Variants in VIPR2 observed in about 807,000 individuals in gnomAD.
VIPR2 encodes vasoactive intestinal polypeptide receptor 2.
VIPR2 carries 48 observed loss-of-function variants against 58.0 expected under a neutral mutation model. The ratio of observed to expected loss-of-function variants is 0.83; its 90% CI spans 0.66 to 1.05. The LOEUF (loss-of-function observed/expected upper bound fraction) is 1.05. Among genes scored for constraint, VIPR2 ranks in the 50% least tolerant of loss-of-function variants. The probability of loss-of-function intolerance (pLI) is 0.00; values close to 1 mark genes in which losing one functional copy is unlikely to be tolerated. For missense variants in VIPR2, 534 were observed against 558.0 expected, an observed-to-expected ratio of 0.96 and a Z score of 0.43; for synonymous variants, 243 against 235.2, an observed-to-expected ratio of 1.03 and a Z score of -0.30.
chr7:159,038,708 A>ACG (rs1170353128), intron 6 of VIPR2, among the ~76,000 whole-genome samples: 2 of 152,192 alleles, frequency 1.3e-5, no homozygotes, highest in African/African-American at 4.8e-5. Flanking sequence ...ATGAACCAAG[A>ACG]CACAAATGAA....
chr7:159,132,692 G>A (rs1796973894), intron 2 of VIPR2, among the ~76,000 whole-genome samples: 1 of 152,146 alleles, frequency 6.6e-6, no homozygotes, highest in African/African-American at 2.4e-5. Context: ...TTCACGGACG[G>A]GCTCATTCAA....
At chr7:159,043,285 A>C in intron 5 of VIPR2, 109 bp from the exon 6 acceptor site, 7 of 1,007,482 alleles carry the variant, frequency 6.9e-6, no homozygotes, top group Non-Finnish European at 8.1e-6. Flanking sequence ...AGCACAGAAA[A>C]ATAAAAGAGT....
intron 3 of VIPR2, among the ~76,000 whole-genome samples, chr7:159,104,269 C>T (rs758709368): frequency 1.3e-5 from 2 of 152,058 alleles, no homozygotes; most frequent in African/African-American, 2.4e-5. Context: ...CGGCCAGGCC[C>T]TCACCACCGA....
intron 5 of VIPR2, among the ~76,000 whole-genome samples, chr7:159,050,354 C>CAAAAAAAAAAACAAAAAAAAA (rs1854917943): frequency 7.2e-6 from 1 of 139,168 alleles, no homozygotes; most frequent in Non-Finnish European, 1.5e-5. Flanking sequence ...CACAAAAAAA[C>CAAAAAAAAAAACAAAAAAAAA]AAAAAAAAAA....
At chr7:159,101,761 C>T (rs1334806569) in intron 4 of VIPR2, among the ~76,000 whole-genome samples, 4 of 143,080 alleles carry the variant, frequency 2.8e-5, no homozygotes, top group African/African-American at 5.4e-5. Context: ...GAGGCGGTTC[C>T]GACTGTTCCT....
At chr7:159,053,771 C>A (rs1855141880) in intron 5 of VIPR2, among the ~76,000 whole-genome samples, 1 of 152,210 alleles carries the variant, frequency 6.6e-6, no homozygotes, top group South Asian at 2.1e-4. Flanking sequence ...TTGTCTTGAA[C>A]TCCTGAGCAC....
In VIPR2 at chr7:159,096,911, T is replaced by A; in HGVS notation, c.357+6846A>T. On this transcript the variant is annotated intron_variant, in intron 4 of 12. Transcript: ENST00000262178. This position sits in a 1 kb window ranked among gnomAD's most constrained non-coding sequence, Gnocchi z 5.5. The stretch of plus-strand genomic sequence containing the variant: ...GGCCGCCTTGCTGTCCCCGTTCCCA[T>A]CACTCGATGAGCCAATGCCCTCGTG... The A allele has an allele frequency of 1.3e-6, 2 of 1,550,742 alleles. No homozygotes were observed. The highest frequency in any genetic ancestry group is 1.7e-6 in the Non-Finnish European group (2 of 1,147,078).
chr7:159,104,795 A>G (rs573649649), intron 3 of VIPR2, among the ~76,000 whole-genome samples: 71 of 148,160 alleles, frequency 4.8e-4, no homozygotes, highest in African/African-American at 1.6e-3. Flanking sequence ...ACCGATGGTG[A>G]CCGGGTGCCC....
intron 4 of VIPR2, among the ~76,000 whole-genome samples, chr7:159,094,135 C>T (rs1054690403): frequency 6.6e-6 from 1 of 152,186 alleles, no homozygotes; most frequent in African/African-American, 2.4e-5. Context: ...TCATTCTCCA[C>T]AGGGGAGGCT....
chr7:159,117,438 G>T, intron 2 of VIPR2: 1 of 717,352 alleles, frequency 1.4e-6, no homozygotes, highest in Non-Finnish European at 2.6e-6. Flanking sequence ...GTGAGCACAT[G>T]AAACATAGTG....
chr7:159,138,733 G>A (rs1201042345), intron 2 of VIPR2, among the ~76,000 whole-genome samples: 1 of 152,268 alleles, frequency 6.6e-6, no homozygotes, highest in Non-Finnish European at 1.5e-5. Flanking sequence ...GTGTGGACGT[G>A]TGCGCACCCC....
At chr7:159,111,433 G>A (rs566194371) in intron 2 of VIPR2, among the ~76,000 whole-genome samples, 56 of 151,820 alleles carry the variant, frequency 3.7e-4, no homozygotes, top group African/African-American at 1.2e-3. Flanking sequence ...TAATCCCAGC[G>A]CTTTGGGAGG....
In VIPR2 at chr7:159,098,378, T is replaced by C. The variant is rs1273652568; in HGVS notation, c.357+5379A>G. 6.6e-6 allele frequency among the ~76,000 whole-genome samples: 1 copy of C among 152,124 alleles called. No homozygotes were observed. The highest frequency in any genetic ancestry group is 6.5e-5 in the Admixed American group (1 of 15,284). ...AAGGACTGGGGCCATTGCTCCTTGA[T>C]ACACTGTGGATGAAACCCTTTACTC... On this transcript the variant is annotated intron_variant, in intron 4 of 12. Transcript: ENST00000262178. This position sits in a 1 kb window ranked among gnomAD's most constrained non-coding sequence, Gnocchi z 5.2.
At chr7:159,084,688 T>C (rs1380451451) in intron 4 of VIPR2, among the ~76,000 whole-genome samples, 3 of 152,148 alleles carry the variant, frequency 2.0e-5, no homozygotes, top group African/African-American at 4.8e-5. Flanking sequence ...CCCCGGAGCA[T>C]GTGGGCCTGT....
At chr7:159,072,552 A>G (rs988751227) in intron 4 of VIPR2, among the ~76,000 whole-genome samples, 1 of 152,212 alleles carries the variant, frequency 6.6e-6, no homozygotes, top group African/African-American at 2.4e-5. Context: ...AAGCAAGAAG[A>G]AGGAAATTAT....
intron 2 of VIPR2, among the ~76,000 whole-genome samples, chr7:159,125,021 G>A: frequency 6.6e-6 from 1 of 152,156 alleles, no homozygotes; most frequent in East Asian, 1.9e-4. Context: ...TTTATCAGCT[G>A]AAGGAGCTTT....
intron 2 of VIPR2, among the ~76,000 whole-genome samples, chr7:159,115,679 C>T (rs939912005): frequency 1.3e-5 from 2 of 152,236 alleles, no homozygotes; most frequent in African/African-American, 4.8e-5. Context: ...CCCCTGAGCT[C>T]AGGCTTGCTG....
At chr7:159,118,698 C>G (rs77724239) in intron 2 of VIPR2, among the ~76,000 whole-genome samples, 4,082 of 152,362 alleles carry the variant, frequency 0.027, 77 homozygotes, top group East Asian at 0.086. Flanking sequence ...GTGACTTTTT[C>G]TCTTACCTTA....
chr7:159,088,582 G>A (rs1253821075), intron 4 of VIPR2, among the ~76,000 whole-genome samples: 3 of 152,232 alleles, frequency 2.0e-5, no homozygotes, highest in East Asian at 1.9e-4. Flanking sequence ...GTCCCACCAC[G>A]TTATTCACAT....
Sources: allele counts gnomAD v4.1 joint callset (sites outside exome capture counted in the v4.1 genomes callset), GRCh38; gene constraint gnomAD v4.1.1; non-coding constraint Gnocchi (gnomAD v3.1); transcripts MANE v1.5; gene names NCBI Gene and HGNC (gene_info 2026-07-23, HGNC 2026-07-21).